The following MTSS2 variants were observed in gnomAD, a reference collection of about 807,000 sequenced individuals.
The protein encoded by MTSS2 is protein MTSS 2.
In MTSS2, 27 loss-of-function variants were observed where a neutral mutation model predicts 67.1. The ratio of observed to expected loss-of-function variants is 0.40; its 90% CI spans 0.30 to 0.55. MTSS2 has a LOEUF of 0.55. Ranked by LOEUF, MTSS2 falls within the 20% of genes least tolerant of loss-of-function variation. The pLI is 0.43. For missense variants in MTSS2, 1,171 were observed against 1,067.8 expected (o/e 1.10, Z -1.35); for synonymous variants, 624 against 468.6 (o/e 1.33, Z -4.28).
chr16:70,680,109 G>A (rs543719478), intron 3 of MTSS2, 54 bp from the exon 4 acceptor site: 2 of 1,279,582 alleles, frequency 1.6e-6, no homozygotes, highest in African/African-American at 1.6e-5. Context: ...GCGCAGTCCC[G>A]GCCTCGGGCC....
intron 1 of MTSS2, among the ~76,000 whole-genome samples, chr16:70,681,509 G>A (rs1158254054): frequency 2.0e-5 from 3 of 152,364 alleles, no homozygotes; most frequent in East Asian, 1.9e-4. Context: ...CACACCAGGT[G>A]TAGACTGGGG....
In MTSS2 at chr16:70,663,671, G is replaced by A; in HGVS notation, c.*6C>T. The A allele has an allele frequency of 1.9e-6, 3 of 1,567,706 alleles. No individual in the cohort carries two copies. The highest frequency in any genetic ancestry group is 1.2e-5 in the South Asian group (1 of 84,560). On this transcript the variant is annotated 3_prime_UTR_variant, in exon 15 of 15. Coordinates refer to ENST00000338779, the MANE Select transcript of MTSS2 (RefSeq NM_138383.3). ...GGGGCCTGAGAGGATGGGGAGGGTGGCGCCATCATAAGATGCGGGGCGCCG... is the reference window on the plus strand; with the variant it reads ...GGGGCCTGAGAGGATGGGGAGGGTGACGCCATCATAAGATGCGGGGCGCCG...
intron 11 of MTSS2, 73 bp from the exon 12 acceptor site, chr16:70,665,613 G>C (rs2052685530): frequency 7.4e-7 from 1 of 1,352,410 alleles, no homozygotes; most frequent in Non-Finnish European, 1.0e-6. Flanking sequence ...GGAGAGAACA[G>C]TTTTGGTCAC....
At position 70,685,787 on chromosome 16, in the gene MTSS2, T is replaced by A; in HGVS notation, c.5A>T (p.Glu2Val). M[E>V]TAEKECGALG... Reference sequence around the variant, plus strand: ...GGCGCCGCACTCCTTCTCCGCCGTCTCCATGCTCTGGCTGGGCCGGGCCGC... The same window carrying A: ...GGCGCCGCACTCCTTCTCCGCCGTCACCATGCTCTGGCTGGGCCGGGCCGC... Residue 2 changes from glutamate (E) to valine (V), a missense_variant, in exon 1 of 15, where the codon GAG becomes GTG. Glu to Val is a moderately radical substitution (Grantham distance 121). Transcript: ENST00000338779. The A allele has an allele frequency of 7.4e-7, 1 of 1,354,862 alleles. No homozygotes were observed. The allele number at this position is 1,354,862 out of a possible 1,614,324, so 83.9% of individuals were successfully genotyped here. A position where few individuals can be genotyped will look rare whatever the true frequency, so the allele number is the denominator to read the frequency against.
intron 11 of MTSS2, among the ~76,000 whole-genome samples, chr16:70,667,188 T>C (rs1025461426): frequency 1.3e-5 from 2 of 148,886 alleles, no homozygotes; most frequent in Admixed American, 1.4e-4. Flanking sequence ...GGAGGATATC[T>C]TGAGCCTAGG....
rs919591027 is a variant in MTSS2 at position 70,679,353 on chromosome 16, A to G, written c.458-30T>C. 8 of 1,613,206 alleles carry G rather than the reference A, an allele frequency of 5.0e-6. No individual in the cohort carries two copies. In the African/African-American group the frequency reaches 1.1e-4, roughly 22 times the overall value. On this transcript the variant is annotated intron_variant, in intron 6 of 14. Transcript: ENST00000338779. ...AGGAAGGATGTGGGAGGAGAGGAGG[A>G]GAGACAGAGAAAGAAAGAATGTGTG...
At chr16:70,670,133 T>A (rs1461146781) in intron 11 of MTSS2, among the ~76,000 whole-genome samples, 1 of 151,968 alleles carries the variant, frequency 6.6e-6, no homozygotes, top group East Asian at 1.9e-4. Flanking sequence ...TAGCCAGGTG[T>A]GGTGGCATGC....
Position 70,663,970 on chromosome 16 carries a change from CTG to C in MTSS2, c.1949_1950del (p.Pro650ArgfsTer40), listed in dbSNP as rs1283215829. 3.2e-6 allele frequency: 5 copies of C among 1,575,556 alleles called. No individual in the cohort carries two copies. The highest frequency in any genetic ancestry group is 2.3e-5 in the East Asian group (1 of 43,118). On this transcript the variant is annotated frameshift_variant, in exon 15 of 15. Coordinates refer to ENST00000338779, the MANE Select transcript of MTSS2 (RefSeq NM_138383.3). LOFTEE classifies it low-confidence loss of function (END_TRUNC). ...LPNTAWGSPS[P>X]EAAGYPGAGA... Reference sequence around the variant, plus strand: ...CCTGCCCCGGGGTACCCGGCTGCCTCTGGGGATGGGCTGCCCCAGGCTGTGTT... The same window carrying C: ...CCTGCCCCGGGGTACCCGGCTGCCTCGGGATGGGCTGCCCCAGGCTGTGTT...
At position 70,683,142 on chromosome 16, in the gene MTSS2, C is replaced by G. The variant is rs539831699; in HGVS notation, c.70-2117G>C. 2.0e-5 allele frequency among the ~76,000 whole-genome samples: 3 copies of G among 152,342 alleles called. No individual in the cohort carries two copies. In the East Asian group the frequency reaches 5.8e-4, roughly 29 times the overall value. ...GTGGACAGGGATGAGGGGACTCTGT[C>G]TCTGTCCCGGCAGTGGCTGTGGTTC... On this transcript the variant is annotated intron_variant, in intron 1 of 14. Transcript: ENST00000338779.
At chr16:70,683,529 G>A (rs1225456495) in intron 1 of MTSS2, among the ~76,000 whole-genome samples, 1 of 152,238 alleles carries the variant, frequency 6.6e-6, no homozygotes, top group African/African-American at 2.4e-5. Context: ...CCAGCACTGG[G>A]TGGAGGCCCC....
At chr16:70,672,747 G>A (rs184868108) in intron 11 of MTSS2, among the ~76,000 whole-genome samples, 30 of 151,218 alleles carry the variant, frequency 2.0e-4, no homozygotes, top group Admixed American at 1.4e-3. Context: ...GAATATATCC[G>A]GAGAAACAAG....
intron 10 of MTSS2, 94 bp from the exon 11 acceptor site, chr16:70,674,622 G>A: frequency 9.1e-7 from 1 of 1,095,064 alleles, no homozygotes; most frequent in Admixed American, 2.1e-5. Context: ...GGGGAAAGAG[G>A]TGAGGGGCAA....
intron 11 of MTSS2, 162 bp from the exon 12 acceptor site, chr16:70,665,702 T>G: frequency 1.7e-6 from 1 of 575,290 alleles, no homozygotes; most frequent in Non-Finnish European, 3.0e-6. Context: ...CCACGGCCGC[T>G]GAGTGTCTGC....
rs568088761 is a variant in MTSS2 at position 70,685,973 on chromosome 16, G to A, written c.-182C>T. 1,282 of 154,140 alleles carry A rather than the reference G, an allele frequency of 8.3e-3. 10 individuals carry two copies. Among genetic ancestry groups the A allele is most frequent in the Middle Eastern group, 0.024 (7 of 290 alleles). 9.5% of individuals were successfully genotyped at this position (154,140 alleles called of 1,614,324 possible). On this transcript the variant is annotated 5_prime_UTR_variant, in exon 1 of 15. Coordinates refer to ENST00000338779, the MANE Select transcript of MTSS2 (RefSeq NM_138383.3). ...GTCGCGGGCCTCCGGCGGGCGGCGC[G>A]GGCCATGTCGCAGCGGGGCTGGCGG...
rs773196187 is a variant in MTSS2, at chr16:70,674,290, C to T, written c.1053+16G>A. ...GCTGCACCCCACCCTGACTGATCCTCCTAACGCCCCCTCACCTGGCTGGTG... is the reference window on the plus strand; with the variant it reads ...GCTGCACCCCACCCTGACTGATCCTTCTAACGCCCCCTCACCTGGCTGGTG... On this transcript the variant is annotated intron_variant, in intron 11 of 14. Coordinates refer to ENST00000338779, the MANE Select transcript of MTSS2 (RefSeq NM_138383.3). The T allele has an allele frequency of 2.0e-5, 32 of 1,609,618 alleles. No individual in the cohort carries two copies. Among genetic ancestry groups the T allele is most frequent in the Non-Finnish European group, 2.6e-5 (31 of 1,178,168 alleles).
At chr16:70,677,729 A>T (rs974652848) in intron 9 of MTSS2, 63 bp downstream of exon 9, 63 of 1,335,154 alleles carry the variant, frequency 4.7e-5, no homozygotes, top group Non-Finnish European at 6.2e-5. Flanking sequence ...ACTGTTCCCA[A>T]CCTAGGGCAG....
chr16:70,664,686 C>A lies in MTSS2; in HGVS notation c.1383G>T (p.Lys461Asn). The A allele has an allele frequency of 6.2e-7, 1 of 1,613,304 alleles. No individual in the cohort carries two copies. Among genetic ancestry groups the A allele is most frequent in the Non-Finnish European group, 8.5e-7 (1 of 1,179,872 alleles). The change falls in exon 14 of 15, where the codon AAG (lysine) becomes AAT (asparagine). Residue 461 changes from lysine to asparagine, a missense_variant. By Grantham distance (94) the Lys-to-Asn change is moderately conservative (BLOSUM62 0). Coordinates refer to ENST00000338779, the MANE Select transcript of MTSS2 (RefSeq NM_138383.3). ...AGTACTGCAGCGAGTCCCGGCTGCT[C>A]TTCTGGTGCTCCAGGCTCAGGCCCC... Reference protein sequence around the residue: ...LTRGLSLEHQKSSRDSLQYSS... With the variant: ...LTRGLSLEHQNSSRDSLQYSS...
chr16:70,676,478 CG>C (rs993985391), intron 10 of MTSS2, among the ~76,000 whole-genome samples: 1 of 152,230 alleles, frequency 6.6e-6, no homozygotes, highest in Non-Finnish European at 1.5e-5. Flanking sequence ...TGACCCCACA[CG>C]GTGCTAGGCC....
chr16:70,667,278 C>T (rs1476504625), intron 11 of MTSS2, among the ~76,000 whole-genome samples: 2 of 69,788 alleles, frequency 2.9e-5, no homozygotes, highest in Non-Finnish European at 5.1e-5. Context: ...GACTCTGTCT[C>T]AAAAAAAAAA....
Sources: gnomAD v4.1 joint callset for allele counts (sites outside exome capture counted in the v4.1 genomes callset) on GRCh38, gnomAD v4.1.1 for gene constraint, MANE v1.5 for transcripts, NCBI Gene and HGNC (gene_info 2026-07-23, HGNC 2026-07-21) for gene names.